Variants in ANKRD17 observed in about 807,000 individuals in gnomAD.
ANKRD17 encodes ankyrin repeat domain 17, also known as ankyrin repeat domain-containing protein 17.
ANKRD17 carries 19 observed loss-of-function variants against 229.7 expected under a neutral mutation model. The ratio of observed to expected loss-of-function variants is 0.08; its 90% CI spans 0.06 to 0.12. The LOEUF (loss-of-function observed/expected upper bound fraction) is 0.12. Among genes scored for constraint, ANKRD17 ranks in the 10% least tolerant of loss-of-function variants. The pLI is 1.00. For missense variants in ANKRD17, 2,176 were observed against 3,176.8 expected (o/e 0.68, Z 7.57); for synonymous variants, 1,112 against 1,146.1 (o/e 0.97, Z 0.60).
intron 24 of ANKRD17, chr4:73,113,303 G>A: frequency 7.8e-7 from 1 of 1,289,278 alleles, no homozygotes; most frequent in Non-Finnish European, 1.0e-6. Context: ...GAATGATGTT[G>A]TAGTCTGCCT....
chr4:73,258,571 G>C lies in ANKRD17; in HGVS notation c.98C>G (p.Ala33Gly). 1 of 1,458,524 alleles carries C rather than the reference G, an allele frequency of 6.9e-7. No individual in the cohort carries two copies. The highest frequency in any genetic ancestry group is 2.6e-5 in the Admixed American group (1 of 38,000). 90.3% of individuals were successfully genotyped at this position (1,458,524 alleles called of 1,614,324 possible). ...GCCGCCAACGCCGCCGCCGACCTCC[G>C]CCGCCGCGGGGGGGCCCGCCACAGC... ...VAAVAGPPAA[A>G]EVGGGVGGSS... The change falls in exon 1 of 34, where the codon GCG becomes GGG. Residue 33 changes from alanine to glycine, a missense_variant. This residue lies in a region of ANKRD17 where 196 missense variants were observed against 190.0 expected (regional missense o/e 1.03). Transcript: ENST00000358602.
intron 2 of ANKRD17, among the ~76,000 whole-genome samples, chr4:73,177,085 A>G (rs1029499640): frequency 4.6e-5 from 7 of 152,198 alleles, no homozygotes; most frequent in African/African-American, 1.7e-4. Flanking sequence ...TGAAGTTAAA[A>G]TGCATTTTTG....
At chr4:73,257,758 T>A (rs1745585387) in intron 1 of ANKRD17, among the ~76,000 whole-genome samples, 1 of 152,226 alleles carries the variant, frequency 6.6e-6, no homozygotes, top group African/African-American at 2.4e-5. Flanking sequence ...CACGTGTCCC[T>A]CACATACACA....
chr4:73,177,213 T>G (rs1237830949), intron 2 of ANKRD17, among the ~76,000 whole-genome samples, 167 bp downstream of exon 2: 3 of 152,242 alleles, frequency 2.0e-5, no homozygotes, highest in Non-Finnish European at 4.4e-5. Flanking sequence ...AATTACAATA[T>G]GCTTTAGTAA....
At chr4:73,186,835 T>C (rs1186560460) in intron 1 of ANKRD17, among the ~76,000 whole-genome samples, 2 of 152,172 alleles carry the variant, frequency 1.3e-5, no homozygotes, top group Non-Finnish European at 2.9e-5. Context: ...CTCCCAAAAT[T>C]ACTTATCAAT....
chr4:73,088,727 C>T (rs541308240), intron 29 of ANKRD17, among the ~76,000 whole-genome samples: 1 of 152,252 alleles, frequency 6.6e-6, no homozygotes, highest in East Asian at 1.9e-4. Flanking sequence ...TGACCACCTT[C>T]ATTAAATTTT....
chr4:73,247,568 A>G (rs1283682098), intron 1 of ANKRD17, among the ~76,000 whole-genome samples: 1 of 152,048 alleles, frequency 6.6e-6, no homozygotes, highest in Non-Finnish European at 1.5e-5. Context: ...ACACACACAC[A>G]CACGCACTCA....
intron 26 of ANKRD17, among the ~76,000 whole-genome samples, 160 bp from the exon 27 acceptor site, chr4:73,097,432 GCC>G (rs1723430836): frequency 7.2e-6 from 1 of 139,270 alleles, no homozygotes; most frequent in South Asian, 2.2e-4. Flanking sequence ...AATATAGAGA[GCC>G]TTTTTTTTTT....
chr4:73,189,258 G>C (rs887338287), intron 1 of ANKRD17, among the ~76,000 whole-genome samples: 1 of 152,022 alleles, frequency 6.6e-6, no homozygotes, highest in African/African-American at 2.4e-5. Context: ...TTTAGTAGTA[G>C]TATAAAAGAC....
At chr4:73,117,930 A>G (rs778377288) in intron 22 of ANKRD17, among the ~76,000 whole-genome samples, 2 of 152,200 alleles carry the variant, frequency 1.3e-5, no homozygotes, top group African/African-American at 2.4e-5. Flanking sequence ...AATGTAATAT[A>G]CTTGAAACTT....
At position 73,179,464 on chromosome 4, in the gene ANKRD17, A is replaced by ATGTGTG. The variant is rs1449711852; in HGVS notation, c.394-1932_394-1931insCACACA. 6.5e-5 allele frequency among the ~76,000 whole-genome samples: 6 copies of ATGTGTG among 91,924 alleles called. No homozygotes were observed. In the South Asian group the frequency reaches 2.1e-3, roughly 32 times the overall value. 60.3% of individuals were successfully genotyped at this position (91,924 alleles called of 152,430 possible). A position where few individuals can be genotyped will look rare whatever the true frequency, so the allele number is the denominator to read the frequency against. ...TATATATATCTGTGTATATATGTAT[A>ATGTGTG]TATGTGTGTGTGTGTGTGTGTGTGT... On this transcript the variant is annotated intron_variant, in intron 1 of 33. Coordinates refer to ENST00000358602, the MANE Select transcript of ANKRD17 (RefSeq NM_032217.5).
chr4:73,229,411 T>C (rs879318926), intron 1 of ANKRD17, among the ~76,000 whole-genome samples: 2 of 152,186 alleles, frequency 1.3e-5, no homozygotes, highest in Non-Finnish European at 2.9e-5. Context: ...ACAAGTCTAC[T>C]AAAAATCCAG....
At chr4:73,120,600 T>C (rs1013373141) in intron 20 of ANKRD17, among the ~76,000 whole-genome samples, 2 of 151,160 alleles carry the variant, frequency 1.3e-5, no homozygotes, top group African/African-American at 4.9e-5. Context: ...GCACTTGGCA[T>C]ATAACTGGTA....
intron 15 of ANKRD17, among the ~76,000 whole-genome samples, chr4:73,137,092 G>A (rs577329432): frequency 1.3e-5 from 2 of 150,162 alleles, no homozygotes; most frequent in Non-Finnish European, 3.0e-5. Flanking sequence ...TATAAAATTG[G>A]TTTACTAAAA....
intron 1 of ANKRD17, among the ~76,000 whole-genome samples, chr4:73,237,921 T>C (rs1416156382): frequency 6.6e-6 from 1 of 152,150 alleles, no homozygotes; most frequent in African/African-American, 2.4e-5. Context: ...TTTTGTGAAC[T>C]GTTCATTACA....
chr4:73,152,904 A>G (rs1325627862), intron 6 of ANKRD17, among the ~76,000 whole-genome samples: 1 of 152,246 alleles, frequency 6.6e-6, no homozygotes, highest in African/African-American at 2.4e-5. Flanking sequence ...AAAGCACTTT[A>G]TAAATAAACC....
intron 1 of ANKRD17, among the ~76,000 whole-genome samples, chr4:73,207,106 G>A (rs920779882): frequency 6.6e-6 from 1 of 152,160 alleles, no homozygotes; most frequent in African/African-American, 2.4e-5. Context: ...TTACAGGCAT[G>A]AGCCACCGTG....
chr4:73,258,702 G>A lies in ANKRD17; in HGVS notation c.-34C>T, dbSNP rs777453312. 85 of 1,426,018 alleles carry A rather than the reference G, an allele frequency of 6.0e-5. No individual in the cohort carries two copies. The highest frequency in any genetic ancestry group is 7.5e-5 in the Non-Finnish European group (83 of 1,102,224). The allele number at this position is 1,426,018 out of a possible 1,614,324, so 88.3% of individuals were successfully genotyped here. A position where few individuals can be genotyped will look rare whatever the true frequency, so the allele number is the denominator to read the frequency against. Reference sequence around the variant, plus strand: ...AAAGAGGGAGGGCGCGGACGGGGGAGGGGCGTGGGGCTACGCTCTACCGCG... The same window carrying A: ...AAAGAGGGAGGGCGCGGACGGGGGAAGGGCGTGGGGCTACGCTCTACCGCG... On this transcript the variant is annotated 5_prime_UTR_variant, in exon 1 of 34. Transcript: ENST00000358602.
intron 1 of ANKRD17, among the ~76,000 whole-genome samples, chr4:73,195,566 T>A (rs575141620): frequency 6.6e-6 from 1 of 152,088 alleles, no homozygotes; most frequent in East Asian, 1.9e-4. Context: ...TGGCGTGCAG[T>A]GGTACAATCT....
Sources: allele counts gnomAD v4.1 joint callset (sites outside exome capture counted in the v4.1 genomes callset), GRCh38; gene constraint gnomAD v4.1.1; regional missense constraint gnomAD v4.1.1; transcripts MANE v1.5; gene names NCBI Gene and HGNC (gene_info 2026-07-23, HGNC 2026-07-21).